Variants in SLC8A1 observed in about 807,000 individuals in gnomAD.
SLC8A1 encodes solute carrier family 8 member A1.
In SLC8A1, 18 loss-of-function variants were observed where a neutral mutation model predicts 68.3. The ratio of observed to expected loss-of-function variants is 0.26; its 90% CI spans 0.18 to 0.39. The LOEUF (loss-of-function observed/expected upper bound fraction) is 0.39, where lower values mean the gene tolerates loss of function less well. Ranked by LOEUF, SLC8A1 falls within the 10% of genes least tolerant of loss-of-function variation. The probability of loss-of-function intolerance (pLI) is 1.00; values close to 1 mark genes in which losing one functional copy is unlikely to be tolerated. For missense variants in SLC8A1, 985 were observed against 1,156.7 expected, an observed-to-expected ratio of 0.85 and a Z score of 2.15; for synonymous variants, 475 against 415.5, an observed-to-expected ratio of 1.14 and a Z score of -1.74.
intron 2 of SLC8A1, among the ~76,000 whole-genome samples, chr2:40,381,423 C>G (rs1030247630): frequency 6.6e-6 from 1 of 152,030 alleles, no homozygotes. Context: ...TTCACAACTC[C>G]TTTCTCTTCT....
At chr2:40,477,172 T>C (rs1222210599) in intron 1 of SLC8A1, among the ~76,000 whole-genome samples, 1 of 152,200 alleles carries the variant, frequency 6.6e-6, no homozygotes, top group Non-Finnish European at 1.5e-5. Flanking sequence ...CATTAAATAA[T>C]AAATTTCCTG....
intron 1 of SLC8A1, among the ~76,000 whole-genome samples, chr2:40,466,065 T>C (rs1197836348): frequency 6.6e-6 from 1 of 152,060 alleles, no homozygotes; most frequent in African/African-American, 2.4e-5. Flanking sequence ...TCCATAACTA[T>C]CAGAAAATAA....
intron 2 of SLC8A1, among the ~76,000 whole-genome samples, chr2:40,229,570 C>A (rs951739949): frequency 6.6e-6 from 1 of 152,116 alleles, no homozygotes; most frequent in Admixed American, 6.6e-5. Flanking sequence ...TCTCCAATGG[C>A]AAATCTCCTA....
At chr2:40,300,844 A>G (rs1446649609) in intron 2 of SLC8A1, among the ~76,000 whole-genome samples, 1 of 152,152 alleles carries the variant, frequency 6.6e-6, no homozygotes, top group African/African-American at 2.4e-5. Context: ...ATCCAGGACA[A>G]AGTATTTAAC....
chr2:40,136,107 C>G (rs2040449400), intron 7 of SLC8A1, among the ~76,000 whole-genome samples: 1 of 152,176 alleles, frequency 6.6e-6, no homozygotes, highest in Non-Finnish European at 1.5e-5. Context: ...GGAGACCAGT[C>G]TTGGGCTTAC....
intron 2 of SLC8A1, among the ~76,000 whole-genome samples, chr2:40,178,064 C>T (rs546295113): frequency 2.0e-5 from 3 of 152,160 alleles, no homozygotes; most frequent in South Asian, 4.1e-4. Flanking sequence ...ACGAATTATT[C>T]CCGCTTCAGT....
At chr2:40,475,552 AAAT>A (rs1261884035) in intron 1 of SLC8A1, among the ~76,000 whole-genome samples, 7 of 152,142 alleles carry the variant, frequency 4.6e-5, no homozygotes, top group African/African-American at 7.2e-5. Flanking sequence ...ATTCATTTTT[AAAT>A]AATAATATAC....
chr2:40,302,132 A>G (rs1272124500), intron 2 of SLC8A1, among the ~76,000 whole-genome samples: 1 of 149,704 alleles, frequency 6.7e-6, no homozygotes, highest in Non-Finnish European at 1.5e-5. Context: ...CCTGATCTCA[A>G]GTGATCCACC....
At chr2:40,388,092 G>A (rs1684159621) in intron 2 of SLC8A1, among the ~76,000 whole-genome samples, 4 of 152,022 alleles carry the variant, frequency 2.6e-5, no homozygotes, top group Admixed American at 2.6e-4. Context: ...AGCAAGTCAT[G>A]GTGAAAAATG....
chr2:40,161,215 G>A (rs1327020538), intron 5 of SLC8A1, among the ~76,000 whole-genome samples: 3 of 152,184 alleles, frequency 2.0e-5, no homozygotes, highest in Admixed American at 1.3e-4. Flanking sequence ...TCGTCTGCAA[G>A]TGAATTAACA....
intron 1 of SLC8A1, among the ~76,000 whole-genome samples, chr2:40,435,911 G>A (rs981244402): frequency 2.8e-4 from 43 of 151,376 alleles, no homozygotes; most frequent in African/African-American, 1.0e-3. Flanking sequence ...AAGTAGCTGG[G>A]ATTATAGGTG....
At position 40,345,997 on chromosome 2, in the gene SLC8A1, G is replaced by A. The variant is rs138836096; in HGVS notation, c.1808+82476C>T. On this transcript the variant is annotated intron_variant, in intron 2 of 7. Coordinates refer to ENST00000406785, the Ensembl canonical transcript of SLC8A1. Reference sequence around the variant, plus strand: ...TGCACATACTGCACGTGTATCCCCAGAACTTAAAGTAAAATTAAAATAAAT... The same window carrying A: ...TGCACATACTGCACGTGTATCCCCAAAACTTAAAGTAAAATTAAAATAAAT... 6.0e-3 allele frequency among the ~76,000 whole-genome samples: 645 copies of A among 107,740 alleles called. 6 individuals are homozygous for A. Among genetic ancestry groups the A allele is most frequent in the African/African-American group, 0.022 (616 of 27,902 alleles). 70.7% of individuals were successfully genotyped at this position (107,740 alleles called of 152,430 possible). A position where few individuals can be genotyped will look rare whatever the true frequency, so the allele number is the denominator to read the frequency against.
At chr2:40,357,773 A>G (rs1396210070) in intron 2 of SLC8A1, among the ~76,000 whole-genome samples, 1 of 152,160 alleles carries the variant, frequency 6.6e-6, no homozygotes, top group African/African-American at 2.4e-5. Context: ...AAATGGATTA[A>G]AAGCCCTAGC....
chr2:40,213,820 T>C (rs2057016634), intron 2 of SLC8A1, among the ~76,000 whole-genome samples: 1 of 152,196 alleles, frequency 6.6e-6, no homozygotes. Context: ...GCTGGGGATA[T>C]TACACTGGGG....
chr2:40,330,898 A>G (rs1003624901), intron 2 of SLC8A1, among the ~76,000 whole-genome samples: 3 of 152,224 alleles, frequency 2.0e-5, no homozygotes, highest in Non-Finnish European at 4.4e-5. Context: ...ACAGATAAAT[A>G]TCTAATCTAA....
At chr2:40,145,692 G>A (rs1003576376) in intron 6 of SLC8A1, among the ~76,000 whole-genome samples, 3 of 152,166 alleles carry the variant, frequency 2.0e-5, no homozygotes, top group Admixed American at 6.5e-5. Flanking sequence ...AAACAGAATG[G>A]TGATTCAATT....
At chr2:40,366,843 C>T (rs1396079570) in intron 2 of SLC8A1, among the ~76,000 whole-genome samples, 3 of 151,520 alleles carry the variant, frequency 2.0e-5, no homozygotes, top group African/African-American at 7.3e-5. Flanking sequence ...ATTTTGCCAT[C>T]GCCAAGAAAT....
intron 2 of SLC8A1, among the ~76,000 whole-genome samples, chr2:40,278,431 T>C (rs969378139): frequency 1.3e-5 from 2 of 152,012 alleles, no homozygotes; most frequent in Middle Eastern, 3.2e-3. Context: ...ATCGCGCCAC[T>C]GCACTCCAGC....
intron 2 of SLC8A1, among the ~76,000 whole-genome samples, chr2:40,375,627 A>ACTCCCACTCCC: frequency 6.6e-6 from 1 of 152,088 alleles, no homozygotes. Flanking sequence ...TTATTCTCCT[A>ACTCCCACTCCC]AAAGATATTA....
Sources: allele counts gnomAD v4.1 joint callset (sites outside exome capture counted in the v4.1 genomes callset), GRCh38; gene constraint gnomAD v4.1.1; transcripts MANE v1.5; gene names NCBI Gene and HGNC (gene_info 2026-07-23, HGNC 2026-07-21).